The following TTI1 variants were observed in gnomAD, a reference collection of about 807,000 sequenced individuals.
The protein encoded by TTI1 is TELO2-interacting protein 1 homolog.
A neutral mutation model predicts 85.4 loss-of-function variants in TTI1; 52 were observed. That is an observed-to-expected ratio of 0.61 (90% CI 0.49 to 0.77). The LOEUF is 0.77. Among genes scored for constraint, TTI1 ranks in the 30% least tolerant of loss-of-function variants. The probability of loss-of-function intolerance (pLI) is 0.00; values close to 1 mark genes in which losing one functional copy is unlikely to be tolerated. For synonymous variants in TTI1, 512 were observed against 503.9 expected, an observed-to-expected ratio of 1.02 and a Z score of -0.22; for missense variants, 1,173 against 1,296.0, an observed-to-expected ratio of 0.91 and a Z score of 1.46.
chr20:38,029,652 G>C (rs2073881007), intron 1 of TTI1, among the ~76,000 whole-genome samples: 1 of 152,108 alleles, frequency 6.6e-6, no homozygotes, highest in Admixed American at 6.5e-5. Flanking sequence ...AAACGGGACA[G>C]TACTACAGAC....
chr20:37,999,953 A>C (rs549932824), intron 4 of TTI1, among the ~76,000 whole-genome samples: 19 of 152,322 alleles, frequency 1.2e-4, no homozygotes, highest in African/African-American at 4.3e-4. Flanking sequence ...TGTTTTAGAA[A>C]GGTCATTCTG....
intron 4 of TTI1, among the ~76,000 whole-genome samples, chr20:38,002,176 T>C (rs2122537392): frequency 6.6e-6 from 1 of 152,286 alleles, no homozygotes; most frequent in South Asian, 2.1e-4. Context: ...CTTTCAGCCC[T>C]TGCTGATGGG....
intron 7 of TTI1, among the ~76,000 whole-genome samples, chr20:37,992,402 A>G (rs1285800222): frequency 1.3e-5 from 2 of 151,618 alleles, no homozygotes; most frequent in East Asian, 3.9e-4. Context: ...TCAGCTTCCC[A>G]AGTAGCTGGG....
Position 38,012,217 on chromosome 20 carries a change from C to A in TTI1, c.1600G>T (p.Ala534Ser), listed in dbSNP as rs147595045. The A allele has an allele frequency of 2.6e-4, 412 of 1,614,202 alleles. 3 individuals carry two copies. The African/African-American group carries it at 4.6e-3, about 18-fold the overall frequency. The change falls in exon 2 of 8, where the codon GCT becomes TCT. Residue 534 changes from alanine to serine, a missense_variant. Transcript: ENST00000373447. Reference sequence around the variant, plus strand: ...TGAAGATCCTCAACCTCCAGCCCAGCAGCCCCTGTAACCAGTTCATTAAGG... The same window carrying A: ...TGAAGATCCTCAACCTCCAGCCCAGAAGCCCCTGTAACCAGTTCATTAAGG... ...MILNELVTGA[A>S]GLEVEDLHEK...
chr20:37,996,123 C>T (rs1351133414), intron 7 of TTI1, among the ~76,000 whole-genome samples: 1 of 152,224 alleles, frequency 6.6e-6, no homozygotes, highest in Non-Finnish European at 1.5e-5. Context: ...TGAGTCCTCT[C>T]TAGCACACCG....
chr20:37,994,222 C>A (rs2073306816), intron 7 of TTI1, among the ~76,000 whole-genome samples: 2 of 152,162 alleles, frequency 1.3e-5, no homozygotes, highest in Admixed American at 1.3e-4. Flanking sequence ...CAACATCCGC[C>A]TCCCAGGTTC....
intron 1 of TTI1, among the ~76,000 whole-genome samples, chr20:38,025,396 G>A (rs997394307): frequency 2.6e-5 from 4 of 151,854 alleles, no homozygotes; most frequent in Non-Finnish European, 4.4e-5. Context: ...TGGTGAAACC[G>A]TATCTCCACT....
At chr20:38,000,971 C>A (rs2073417282) in intron 4 of TTI1, among the ~76,000 whole-genome samples, 2 of 152,118 alleles carry the variant, frequency 1.3e-5, no homozygotes, top group Admixed American at 6.5e-5. Flanking sequence ...GGGTTTTGCA[C>A]CGAGTAGGTA....
chr20:37,992,999 C>G (rs2073286490), intron 7 of TTI1, among the ~76,000 whole-genome samples: 1 of 152,096 alleles, frequency 6.6e-6, no homozygotes. Context: ...CTCAGGGACA[C>G]TGTCTTATTT....
chr20:38,033,074 G>A (rs546797858), intron 1 of TTI1, among the ~76,000 whole-genome samples: 6 of 152,288 alleles, frequency 3.9e-5, no homozygotes, highest in Non-Finnish European at 5.9e-5. Flanking sequence ...GGTCAAAACA[G>A]GACATTAAAG....
intron 4 of TTI1, chr20:38,000,486 C>T (rs1438595828): frequency 6.4e-6 from 1 of 155,708 alleles, no homozygotes; most frequent in African/African-American, 2.4e-5. Flanking sequence ...CGTGGGCGGC[C>T]AGCGCAGGCT....
intron 1 of TTI1, among the ~76,000 whole-genome samples, chr20:38,020,323 A>ATATATATATATAT (rs1555795789): frequency 3.8e-3 from 189 of 50,282 alleles, no homozygotes; most frequent in African/African-American, 5.8e-3. Context: ...AAAAAAAAAA[A>ATATATATATATAT]ATATATATAT....
intron 1 of TTI1, among the ~76,000 whole-genome samples, chr20:38,021,348 T>C (rs1162703565): frequency 6.6e-6 from 1 of 152,246 alleles, no homozygotes; most frequent in Non-Finnish European, 1.5e-5. Flanking sequence ...TGTGACAATA[T>C]GTCAATTACA....
At chr20:38,022,702 G>A (rs2073785959) in intron 1 of TTI1, among the ~76,000 whole-genome samples, 1 of 152,108 alleles carries the variant, frequency 6.6e-6, no homozygotes, top group South Asian at 2.1e-4. Flanking sequence ...TCTAGATTTG[G>A]TTGTACTCCA....
intron 1 of TTI1, among the ~76,000 whole-genome samples, chr20:38,022,641 G>A (rs1009902114): frequency 2.0e-5 from 3 of 151,354 alleles, no homozygotes; most frequent in African/African-American, 4.9e-5. Flanking sequence ...AGTTGATCTC[G>A]TCTACACTGG....
intron 7 of TTI1, among the ~76,000 whole-genome samples, chr20:37,993,672 G>A (rs902502025): frequency 4.6e-5 from 7 of 152,200 alleles, no homozygotes; most frequent in Non-Finnish European, 8.8e-5. Flanking sequence ...CTCCTGCCCT[G>A]AGAGCTTCCC....
At chr20:38,018,036 C>T (rs2073709696) in intron 1 of TTI1, among the ~76,000 whole-genome samples, 1 of 152,188 alleles carries the variant, frequency 6.6e-6, no homozygotes, top group Non-Finnish European at 1.5e-5. Flanking sequence ...AAGATATATG[C>T]ATCCACTATG....
intron 1 of TTI1, among the ~76,000 whole-genome samples, chr20:38,029,933 T>C (rs1042962882): frequency 6.6e-6 from 1 of 152,166 alleles, no homozygotes; most frequent in African/African-American, 2.4e-5. Flanking sequence ...TTACCTGATG[T>C]GGCCCTGTGA....
intron 3 of TTI1, among the ~76,000 whole-genome samples, chr20:38,005,011 T>G (rs2073476088): frequency 6.6e-6 from 1 of 152,100 alleles, no homozygotes; most frequent in South Asian, 2.1e-4. Context: ...TCTGCATAAA[T>G]CATTATTTGG....
Sources: gnomAD v4.1 joint callset for allele counts (sites outside exome capture counted in the v4.1 genomes callset) on GRCh38, gnomAD v4.1.1 for gene constraint, MANE v1.5 for transcripts, NCBI Gene and HGNC (gene_info 2026-07-23, HGNC 2026-07-21) for gene names.